ADCK1: variants seen among roughly 807,000 people sequenced by gnomAD.
The protein encoded by ADCK1 is aarF domain containing kinase 1.
ADCK1 carries 41 observed loss-of-function variants against 52.3 expected under a neutral mutation model. The ratio of observed to expected loss-of-function variants is 0.78; its 90% confidence interval spans 0.61 to 1.02. The LOEUF is 1.02. Among genes scored for constraint, ADCK1 ranks in the 50% least tolerant of loss-of-function variants. The pLI is 0.00. For missense variants in ADCK1, 658 were observed against 679.5 expected, an observed-to-expected ratio of 0.97 and a Z score of 0.35; for synonymous variants, 250 against 274.6, an observed-to-expected ratio of 0.91 and a Z score of 0.89.
chr14:77,843,192 A>G (rs912940289), intron 3 of ADCK1, among the ~76,000 whole-genome samples: 1 of 152,074 alleles, frequency 6.6e-6, no homozygotes, highest in Non-Finnish European at 1.5e-5. Flanking sequence ...TTGTCTAGCC[A>G]GAGTTTTGTT....
rs749507611 is a variant in ADCK1 at position 77,859,099 on chromosome 14, T to A, written c.243T>A (p.Arg81=). 18 of 1,608,454 alleles carry A rather than the reference T, an allele frequency of 1.1e-5. No homozygotes were observed. The highest frequency in any genetic ancestry group is 1.4e-5 in the Non-Finnish European group (17 of 1,177,658). Residue 81 remains arginine (R), a synonymous_variant, in exon 4 of 11, where the codon CGT becomes CGA. Coordinates refer to ENST00000238561, the MANE Select transcript of ADCK1 (RefSeq NM_020421.4). ...RSKVHLRSAR[R]LCELCCANRG... is the part of the protein sequence containing the mutation. ...AGGTGCACCTTCGCTCTGCCAGGCG[T>A]CTCTGTGAGCTCTGCTGTGCCAACC...
chr14:77,870,937 C>T (rs1290285070), intron 4 of ADCK1, among the ~76,000 whole-genome samples: 1 of 152,202 alleles, frequency 6.6e-6, no homozygotes, highest in Admixed American at 6.5e-5. Context: ...GCAGTGGCTT[C>T]TGATGCCTCT....
intron 3 of ADCK1, among the ~76,000 whole-genome samples, chr14:77,836,656 A>G (rs937627871): frequency 2.0e-5 from 3 of 152,172 alleles, no homozygotes; most frequent in African/African-American, 4.8e-5. Context: ...GGTGGGAAGC[A>G]TTCTAGGGAA....
At chr14:77,929,288 G>T (rs1296949052) in intron 9 of ADCK1, among the ~76,000 whole-genome samples, 1 of 152,174 alleles carries the variant, frequency 6.6e-6, no homozygotes, top group East Asian at 1.9e-4. Flanking sequence ...AGATGGGTGG[G>T]TTAGCTCAGT....
chr14:77,825,116 A>G (rs1244747695), intron 3 of ADCK1, among the ~76,000 whole-genome samples: 1 of 152,162 alleles, frequency 6.6e-6, no homozygotes, highest in Non-Finnish European at 1.5e-5. Context: ...GAATTTAATC[A>G]TTTTATCTTT....
chr14:77,898,290 TG>T (rs949247558), intron 5 of ADCK1, among the ~76,000 whole-genome samples: 2 of 152,140 alleles, frequency 1.3e-5, no homozygotes, highest in Admixed American at 1.3e-4. Context: ...TGATAAGATG[TG>T]TATCTGTGTG....
chr14:77,875,314 C>T (rs907917741), intron 4 of ADCK1, among the ~76,000 whole-genome samples: 7 of 152,000 alleles, frequency 4.6e-5, no homozygotes, highest in Non-Finnish European at 1.5e-5. Flanking sequence ...AGCAGGTCAT[C>T]CTACTGGCAG....
Position 77,859,200 on chromosome 14 carries a change from T to C in ADCK1, c.344T>C (p.Leu115Pro). 2 of 1,613,974 alleles carry C rather than the reference T, an allele frequency of 1.2e-6. No individual in the cohort carries two copies. The highest frequency in any genetic ancestry group is 1.7e-6 in the Non-Finnish European group (2 of 1,179,986). ...YLLPEEYTST[L>P]KVLHSQAPQS... Reference sequence around the variant, plus strand: ...TTGCCAGAGGAGTACACCAGCACGCTGAAGGTACTGCACAGCCAGGCTCCA... The same window carrying C: ...TTGCCAGAGGAGTACACCAGCACGCCGAAGGTACTGCACAGCCAGGCTCCA... Residue 115 changes from leucine (L) to proline (P), a missense_variant, in exon 4 of 11, where the codon CTG (leucine) becomes CCG (proline). Transcript: ENST00000238561.
At chr14:77,875,290 C>T (rs536097423) in intron 4 of ADCK1, among the ~76,000 whole-genome samples, 8 of 152,052 alleles carry the variant, frequency 5.3e-5, no homozygotes, top group South Asian at 2.1e-4. Flanking sequence ...CTGGCATGGA[C>T]GGTGGTGGGT....
At chr14:77,917,733 A>G (rs540053653) in intron 7 of ADCK1, among the ~76,000 whole-genome samples, 2 of 152,088 alleles carry the variant, frequency 1.3e-5, no homozygotes, top group Non-Finnish European at 2.9e-5. Flanking sequence ...TTTTTCCTAA[A>G]TGGCACTGTA....
intron 8 of ADCK1, 81 bp downstream of exon 8, chr14:77,924,687 G>GA: frequency 6.4e-7 from 1 of 1,558,914 alleles, no homozygotes; most frequent in Non-Finnish European, 8.7e-7. Flanking sequence ...GCAGAACCGG[G>GA]AGGGAGATAG....
At chr14:77,889,541 C>A (rs1380142936) in intron 5 of ADCK1, among the ~76,000 whole-genome samples, 1 of 152,158 alleles carries the variant, frequency 6.6e-6, no homozygotes, top group East Asian at 1.9e-4. Context: ...GCTGCAGATG[C>A]TGTTTGAGGC....
intron 5 of ADCK1, among the ~76,000 whole-genome samples, chr14:77,888,491 A>G (rs1042954116): frequency 1.3e-5 from 2 of 152,190 alleles, no homozygotes; most frequent in African/African-American, 2.4e-5. Context: ...GATTTGCATT[A>G]GAAATAAAAA....
intron 3 of ADCK1, among the ~76,000 whole-genome samples, chr14:77,826,503 T>TGCTA (rs1328725509): frequency 6.6e-6 from 1 of 152,168 alleles, no homozygotes; most frequent in African/African-American, 2.4e-5. Context: ...AGTGGCCCTT[T>TGCTA]GCTAGGCAGC....
At chr14:77,833,126 C>T (rs1443262687) in intron 3 of ADCK1, among the ~76,000 whole-genome samples, 1 of 152,066 alleles carries the variant, frequency 6.6e-6, no homozygotes, top group African/African-American at 2.4e-5. Flanking sequence ...GAACTCTGGC[C>T]CCTGGTCTGG....
At chr14:77,896,411 A>G (rs541370189) in intron 5 of ADCK1, among the ~76,000 whole-genome samples, 23 of 152,236 alleles carry the variant, frequency 1.5e-4, no homozygotes, top group Non-Finnish European at 2.8e-4. Flanking sequence ...CAAATGAGAG[A>G]GCCTCATTGT....
At chr14:77,822,016 C>T (rs55956517) in intron 2 of ADCK1, among the ~76,000 whole-genome samples, 16,851 of 152,024 alleles carry the variant, frequency 0.11, 1,081 homozygotes, top group Middle Eastern at 0.18. Flanking sequence ...TTTGATTGAG[C>T]ATTTACTCAA....
chr14:77,921,629 G>C (rs1566736883), intron 7 of ADCK1, among the ~76,000 whole-genome samples: 1 of 152,114 alleles, frequency 6.6e-6, no homozygotes, highest in Non-Finnish European at 1.5e-5. Flanking sequence ...GGTGAAATCT[G>C]GTTAAAACAA....
intron 4 of ADCK1, among the ~76,000 whole-genome samples, chr14:77,879,846 C>A (rs1461284699): frequency 6.6e-6 from 1 of 152,144 alleles, no homozygotes; most frequent in African/African-American, 2.4e-5. Flanking sequence ...TAGCACTCTG[C>A]CCTCATAACT....
Sources: gnomAD v4.1 joint callset for allele counts (sites outside exome capture counted in the v4.1 genomes callset) on GRCh38, gnomAD v4.1.1 for gene constraint, MANE v1.5 for transcripts, NCBI Gene and HGNC (gene_info 2026-07-23, HGNC 2026-07-21) for gene names.